FURIN: variants seen among roughly 807,000 people sequenced by gnomAD.
The protein encoded by FURIN is FES upstream region.
FURIN carries 18 observed loss-of-function variants against 89.2 expected under a neutral mutation model. That is an observed-to-expected ratio of 0.20 (90% CI 0.14 to 0.30). The LOEUF (loss-of-function observed/expected upper bound fraction) is 0.30, where lower values mean the gene tolerates loss of function less well. Ranked by LOEUF, FURIN falls within the 10% of genes least tolerant of loss-of-function variation. FURIN has a pLI of 1.00. For missense variants in FURIN, 879 were observed against 1,100.5 expected (o/e 0.80, Z 2.85); for synonymous variants, 508 against 466.4 (o/e 1.09, Z -1.15).
In FURIN at chr15:90,879,764, G is replaced by A. The variant is rs142129175; in HGVS notation, c.1248G>A (p.Val416=). 370 of 1,613,444 alleles carry A rather than the reference G, an allele frequency of 2.3e-4. No homozygotes were observed. The highest frequency in any genetic ancestry group is 2.8e-4 in the Non-Finnish European group (331 of 1,179,840). Residue 416 remains valine, a synonymous_variant, in exon 11 of 16, where the codon GTG becomes GTA. Coordinates refer to ENST00000268171, the MANE Select transcript of FURIN (RefSeq NM_002569.4). ...CCAACGACTGGGCCACCAATGGTGT[G>A]GGCCGGAAAGGTGAGGGCAGGCTGG... ...LNANDWATNG[V]GRKVSHSYGY...
At position 90,881,627 on chromosome 15, in the gene FURIN, C is replaced by T. The variant is rs760368022; in HGVS notation, c.2134C>T (p.His712Tyr). Reference sequence around the variant, plus strand: ...GCTGCGGGCAGGGCTGCTGCCCTCACACCTGCCTGAGGTGGTGGCCGGCCT... The same window carrying T: ...GCTGCGGGCAGGGCTGCTGCCCTCATACCTGCCTGAGGTGGTGGCCGGCCT... ...QRLRAGLLPSHLPEVVAGLSC... is the reference protein window; with the variant it reads ...QRLRAGLLPSYLPEVVAGLSC... Residue 712 changes from histidine to tyrosine, a missense_variant, in exon 16 of 16, where the codon CAC (histidine) becomes TAC (tyrosine). By Grantham distance (83) the His-to-Tyr change is moderately conservative. This residue lies in a region of FURIN where 457 missense variants were observed against 490.7 expected (regional missense o/e 0.93). Transcript: ENST00000268171. The surrounding 1 kb of genome is among the most constrained non-coding windows in gnomAD (Gnocchi z 4.3). The T allele has an allele frequency of 6.3e-6, 10 of 1,596,196 alleles. No individual in the cohort carries two copies. Among genetic ancestry groups the T allele is most frequent in the Middle Eastern group, 3.3e-4 (2 of 6,026 alleles).
At position 90,881,287 on chromosome 15, in the gene FURIN, G is replaced by T; in HGVS notation, c.1794G>T (p.Val598=). ...KTLTSSQACV[V]CEEGFSLHQK... is the part of the protein sequence containing the mutation. The stretch of plus-strand genomic sequence containing the variant: ...TTGCCCTCTCTCCCACGCCGGCAGT[G>T]TGCGAGGAAGGCTTCTCCCTGCACC... Residue 598 remains valine, a splice_region_variant and synonymous_variant, in exon 16 of 16, where the codon GTG becomes GTT. Transcript: ENST00000268171. This position sits in a 1 kb window ranked among gnomAD's most constrained non-coding sequence, Gnocchi z 4.3. 6.3e-7 allele frequency: 1 copy of T among 1,593,372 alleles called. No homozygotes were observed. Among genetic ancestry groups the T allele is most frequent in the Non-Finnish European group, 8.6e-7 (1 of 1,166,320 alleles).
At chr15:90,872,565 C>T (rs2031376619) in intron 1 of FURIN, among the ~76,000 whole-genome samples, 1 of 152,158 alleles carries the variant, frequency 6.6e-6, no homozygotes, top group Admixed American at 6.5e-5. Context: ...TTTACTATTT[C>T]CTATATTGGG....
In FURIN at chr15:90,878,322, C is replaced by T; in HGVS notation, c.840+18C>T. 6.4e-7 allele frequency: 1 copy of T among 1,558,074 alleles called. No homozygotes were observed. The highest frequency in any genetic ancestry group is 1.2e-5 in the South Asian group (1 of 83,652). On this transcript the variant is annotated intron_variant, in intron 8 of 15. Transcript: ENST00000268171. ...TTAGCCAGGTGAGGTGGGGATCTGT[C>T]CAGCCCCTGCGGGCAGGTTGGGTGC...
At chr15:90,878,327 C>G in intron 8 of FURIN, 23 bp downstream of exon 8, 1 of 1,548,114 alleles carries the variant, frequency 6.5e-7, no homozygotes, top group Non-Finnish European at 8.7e-7. Flanking sequence ...TCTGTCCAGC[C>G]CCTGCGGGCA....
Position 90,879,727 on chromosome 15 carries a change from C to T in FURIN, c.1211C>T (p.Ala404Val), listed in dbSNP as rs1471858436. Reference protein sequence around the residue: ...QHLVVQTSKPAHLNANDWATN... With the variant: ...QHLVVQTSKPVHLNANDWATN... The stretch of plus-strand genomic sequence containing the variant: ...CTGGTGGTACAGACCTCGAAGCCAG[C>T]CCACCTCAATGCCAACGACTGGGCC... The change falls in exon 11 of 16, where the codon GCC becomes GTC. Residue 404 changes from alanine to valine, a missense_variant. Around this residue, in one of 5 missense-constraint regions of FURIN, gnomAD observed 156 missense variants for 243.7 expected, o/e 0.64. Transcript: ENST00000268171. 2 of 1,613,626 alleles carry T rather than the reference C, an allele frequency of 1.2e-6. No homozygotes were observed. The highest frequency in any genetic ancestry group is 1.7e-6 in the Non-Finnish European group (2 of 1,179,990).
In FURIN at chr15:90,877,172, C is replaced by G. The variant is rs1386336755; in HGVS notation, c.539C>G (p.Pro180Arg). ...GASFDVNDQD[P>R]DPQPRYTQMN... Reference sequence around the variant, plus strand: ...AGTTTTGATGTCAATGACCAGGACCCTGACCCCCAGCCTCGGTACACACAG... The same window carrying G: ...AGTTTTGATGTCAATGACCAGGACCGTGACCCCCAGCCTCGGTACACACAG... The change falls in exon 6 of 16, where the codon CCT becomes CGT. Residue 180 changes from proline to arginine, a missense_variant. Pro to Arg is a moderately radical substitution (Grantham distance 103, BLOSUM62 -2). Coordinates refer to ENST00000268171, the MANE Select transcript of FURIN (RefSeq NM_002569.4). 2 of 1,612,242 alleles carry G rather than the reference C, an allele frequency of 1.2e-6. No individual in the cohort carries two copies. The highest frequency in any genetic ancestry group is 1.7e-6 in the Non-Finnish European group (2 of 1,179,078).
In FURIN at chr15:90,878,075, G is replaced by A. The variant is rs557601111; in HGVS notation, c.668-57G>A. The A allele has an allele frequency of 1.9e-5, 30 of 1,567,444 alleles. 2 individuals are homozygous for A. The highest frequency in any genetic ancestry group is 4.1e-4 in the Middle Eastern group (2 of 4,880). On this transcript the variant is annotated intron_variant, in intron 7 of 15. Coordinates refer to ENST00000268171, the MANE Select transcript of FURIN (RefSeq NM_002569.4). Reference sequence around the variant, plus strand: ...GGCTGGGTGTGCTCCTTGGGGTGGGGGCCCTGACAGCTGGACCCATGCAGC... The same window carrying A: ...GGCTGGGTGTGCTCCTTGGGGTGGGAGCCCTGACAGCTGGACCCATGCAGC...
In FURIN at chr15:90,876,164, G is replaced by A; in HGVS notation, c.178-91G>A. On this transcript the variant is annotated intron_variant, in intron 2 of 15. Transcript: ENST00000268171. This position sits in a 1 kb window ranked among gnomAD's most constrained non-coding sequence, Gnocchi z 5.0. The stretch of plus-strand genomic sequence containing the variant: ...TGCCCCGCACCCCCGACCGTGGCGA[G>A]CCTCCCATGAAGCCGTTGTCCACCC... 1 of 934,382 alleles carries A rather than the reference G, an allele frequency of 1.1e-6. No individual in the cohort carries two copies. Among genetic ancestry groups the A allele is most frequent in the Non-Finnish European group, 1.7e-6 (1 of 576,976 alleles). The allele number at this position is 934,382 out of a possible 1,614,324, so 57.9% of individuals were successfully genotyped here.
intron 13 of FURIN, 25 bp downstream of exon 13, chr15:90,880,298 C>T: frequency 1.9e-6 from 3 of 1,566,410 alleles, no homozygotes; most frequent in Non-Finnish European, 2.6e-6. Context: ...CCTGCCCGCC[C>T]TGCCCAGCGC....
chr15:90,871,307 G>A (rs963273975), intron 1 of FURIN, among the ~76,000 whole-genome samples: 3 of 152,050 alleles, frequency 2.0e-5, no homozygotes, highest in African/African-American at 7.2e-5. Context: ...CGGGGAGCTC[G>A]CGGGGCGAAG....
intron 1 of FURIN, among the ~76,000 whole-genome samples, chr15:90,871,334 G>A (rs1312237432): frequency 2.0e-5 from 3 of 151,994 alleles, no homozygotes; most frequent in African/African-American, 7.2e-5. Context: ...GCCCGGGGGC[G>A]GGGGCACGGC....
chr15:90,879,400 C>T, intron 9 of FURIN, 44 bp from the exon 10 acceptor site: 4 of 1,384,426 alleles, frequency 2.9e-6, no homozygotes, highest in Non-Finnish European at 4.1e-6. Context: ...TCCTCTAGCC[C>T]CCTCCACCCA....
chr15:90,880,369 A>G lies in FURIN; in HGVS notation c.1556+96A>G, dbSNP rs1045830455. 6 of 981,116 alleles carry G rather than the reference A, an allele frequency of 6.1e-6. No individual in the cohort carries two copies. The African/African-American group carries it at 9.7e-5, about 16-fold the overall frequency. 60.8% of individuals were successfully genotyped at this position (981,116 alleles called of 1,614,324 possible). On this transcript the variant is annotated intron_variant, in intron 13 of 15. Coordinates refer to ENST00000268171, the MANE Select transcript of FURIN (RefSeq NM_002569.4). ...CGCTCACACGGCCCAGGGGGCACTG[A>G]GTGCTACTCAGTGGGGCACTCTTGG...
At position 90,881,770 on chromosome 15, in the gene FURIN, C is replaced by T. The variant is rs763425595; in HGVS notation, c.2277C>T (p.Tyr759=). The T allele has an allele frequency of 1.2e-6, 2 of 1,612,796 alleles. No individual in the cohort carries two copies. The highest frequency in any genetic ancestry group is 1.1e-5 in the South Asian group (1 of 90,942). ...CCATGGACCGTGGCCTCATCTCCTACAAGGGGCTGCCCCCTGAAGCCTGGC... is the reference window on the plus strand; with the variant it reads ...CCATGGACCGTGGCCTCATCTCCTATAAGGGGCTGCCCCCTGAAGCCTGGC... ...VYTMDRGLIS[Y]KGLPPEAWQE... Residue 759 remains tyrosine, a synonymous_variant, in exon 16 of 16, where the codon TAC becomes TAT. Transcript: ENST00000268171. The surrounding 1 kb of genome is among the most constrained non-coding windows in gnomAD (Gnocchi z 4.3).
Position 90,881,051 on chromosome 15 carries a change from G to A in FURIN, c.1792+11G>A. ...GTCAGGCCTGTGTGGGTCAGTAGTGGGTGCTGTTGGGCTTTGGGGGCCTGA... is the reference window on the plus strand; with the variant it reads ...GTCAGGCCTGTGTGGGTCAGTAGTGAGTGCTGTTGGGCTTTGGGGGCCTGA... On this transcript the variant is annotated intron_variant, in intron 15 of 15. Transcript: ENST00000268171. The surrounding 1 kb of genome is among the most constrained non-coding windows in gnomAD (Gnocchi z 4.3). 2 of 1,582,410 alleles carry A rather than the reference G, an allele frequency of 1.3e-6. No individual in the cohort carries two copies. Among genetic ancestry groups the A allele is most frequent in the Admixed American group, 1.7e-5 (1 of 59,972 alleles).
chr15:90,881,034 T>G lies in FURIN; in HGVS notation c.1786T>G (p.Cys596Gly). ...CAAGACCCTCACGTCCAGTCAGGCC[T>G]GTGTGGGTCAGTAGTGGGTGCTGTT... ...GCKTLTSSQA[C>G]VVCEEGFSLH... Residue 596 changes from cysteine (C) to glycine (G), a missense_variant, in exon 15 of 16, where the codon TGT (cysteine) becomes GGT (glycine). By Grantham distance (159) the Cys-to-Gly change is radical. This residue lies in a region of FURIN where 457 missense variants were observed against 490.7 expected (regional missense o/e 0.93). Coordinates refer to ENST00000268171, the MANE Select transcript of FURIN (RefSeq NM_002569.4). The surrounding 1 kb of genome is among the most constrained non-coding windows in gnomAD (Gnocchi z 4.3). 1.2e-6 allele frequency: 2 copies of G among 1,610,638 alleles called. No homozygotes were observed. Among genetic ancestry groups the G allele is most frequent in the East Asian group, 4.5e-5 (2 of 44,846 alleles).
In FURIN at chr15:90,880,133, C is replaced by T. The variant is rs145625143; in HGVS notation, c.1416C>T (p.Thr472=). Residue 472 remains threonine (T), a synonymous_variant, in exon 13 of 16, where the codon ACC becomes ACT. Transcript: ENST00000268171. ...GGCTCGAGGTGCGGAAGACCGTGAC[C>T]GCGTGCCTGGGCGAGCCCAACCACA... is the stretch of plus-strand genomic sequence containing the variant. The part of the protein sequence containing the change: ...GKRLEVRKTV[T]ACLGEPNHIT... 813 of 1,609,728 alleles carry T rather than the reference C, an allele frequency of 5.1e-4. 1 individual carries two copies. Among genetic ancestry groups the T allele is most frequent in the Middle Eastern group, 2.8e-3 (17 of 6,048 alleles).
At chr15:90,874,268 C>T (rs948691491) in intron 1 of FURIN, among the ~76,000 whole-genome samples, 3 of 152,242 alleles carry the variant, frequency 2.0e-5, no homozygotes, top group Non-Finnish European at 2.9e-5. Flanking sequence ...AAACAACACT[C>T]GGACTATTGA....
Sources: gnomAD v4.1 joint callset for allele counts (sites outside exome capture counted in the v4.1 genomes callset) on GRCh38, gnomAD v4.1.1 for gene constraint, gnomAD v4.1.1 regional missense constraint, Gnocchi (gnomAD v3.1) non-coding constraint, MANE v1.5 for transcripts, NCBI Gene and HGNC (gene_info 2026-07-23, HGNC 2026-07-21) for gene names.